The following MRPS6 variants were observed in gnomAD, a reference collection of about 807,000 sequenced individuals.
MRPS6 encodes mitochondrial ribosomal protein S6.
MRPS6 carries 6 observed loss-of-function variants against 13.1 expected under a neutral mutation model. The observed-to-expected ratio is 0.46, with a 90% confidence interval of 0.25 to 0.91. MRPS6 has a LOEUF of 0.91. Among genes scored for constraint, MRPS6 ranks in the 40% least tolerant of loss-of-function variants. The pLI, the probability that MRPS6 is intolerant of heterozygous loss-of-function variation, is 0.18. For synonymous variants in MRPS6, 61 were observed against 56.5 expected (o/e 1.08, Z -0.36); for missense variants, 164 against 155.6 (o/e 1.05, Z -0.29).
At chr21:34,112,560 C>G (rs1366418761) in intron 1 of MRPS6, among the ~76,000 whole-genome samples, 1 of 152,128 alleles carries the variant, frequency 6.6e-6, no homozygotes, top group East Asian at 1.9e-4. Flanking sequence ...AGTTGTCACT[C>G]CCCAATTCTC....
rs370477500 is a variant in MRPS6 at position 34,073,656 on chromosome 21, C to G, written c.-45C>G. 7.3e-6 allele frequency: 11 copies of G among 1,507,620 alleles called. No individual in the cohort carries two copies. Among genetic ancestry groups the G allele is most frequent in the South Asian group, 7.0e-5 (6 of 85,726 alleles). 93.4% of individuals were successfully genotyped at this position (1,507,620 alleles called of 1,614,324 possible). On this transcript the variant is annotated 5_prime_UTR_variant, in exon 1 of 3. Coordinates refer to ENST00000399312, the MANE Select transcript of MRPS6 (RefSeq NM_032476.4). ...CCCGCCGTCCCGCCCCTTCGCGTCC[C>G]GGGAACCGGCTGGCTTCCGAGCCGC...
At chr21:34,077,124 T>A (rs1020909227) in intron 1 of MRPS6, among the ~76,000 whole-genome samples, 1 of 152,224 alleles carries the variant, frequency 6.6e-6, no homozygotes, top group Non-Finnish European at 1.5e-5. Flanking sequence ...GAGTGAGCTC[T>A]CTTGTGAGTG....
At chr21:34,097,582 T>C (rs1296173463) in intron 1 of MRPS6, 1 of 1,281,086 alleles carries the variant, frequency 7.8e-7, no homozygotes, top group Non-Finnish European at 9.9e-7. Flanking sequence ...TGTGCAAATG[T>C]GGTTTTAAAT....
chr21:34,101,769 TTC>T, intron 1 of MRPS6: 1 of 995,766 alleles, frequency 1.0e-6, no homozygotes, highest in Non-Finnish European at 1.2e-6. Flanking sequence ...TATACTGAAT[TTC>T]TGTTAGCTTA....
intron 1 of MRPS6, among the ~76,000 whole-genome samples, chr21:34,089,510 C>T (rs886819550): frequency 7.9e-5 from 12 of 152,028 alleles, no homozygotes; most frequent in Admixed American, 2.6e-4. Flanking sequence ...ATGAGCCAAA[C>T]TTATTGGTAG....
At chr21:34,097,008 A>G (rs1978994835) in intron 1 of MRPS6, 3 of 1,614,090 alleles carry the variant, frequency 1.9e-6, no homozygotes, top group Non-Finnish European at 2.5e-6. Context: ...TGAAGATGTT[A>G]ATCTGTTGGT....
intron 1 of MRPS6, among the ~76,000 whole-genome samples, chr21:34,089,537 A>G (rs962981660): frequency 2.6e-5 from 4 of 152,158 alleles, no homozygotes; most frequent in Non-Finnish European, 4.4e-5. Flanking sequence ...GTTAAAATGA[A>G]TATATCTTGG....
At chr21:34,118,471 T>TA (rs1022865949) in intron 1 of MRPS6, among the ~76,000 whole-genome samples, 8 of 152,208 alleles carry the variant, frequency 5.3e-5, no homozygotes, top group Middle Eastern at 3.4e-3. Flanking sequence ...TTGGTTCCTG[T>TA]CTCTTCTTTC....
intron 1 of MRPS6, chr21:34,122,544 G>GT (rs1390626697): frequency 1.3e-5 from 2 of 152,002 alleles, no homozygotes; most frequent in East Asian, 3.8e-4. Context: ...AGAAGAAAAT[G>GT]TTTTTTACTT....
chr21:34,103,823 T>A (rs1263526130), intron 1 of MRPS6: 5 of 1,000,112 alleles, frequency 5.0e-6, no homozygotes, highest in Non-Finnish European at 6.0e-6. Context: ...ATGTCAAGAA[T>A]GCCAAAATTA....
intron 2 of MRPS6, among the ~76,000 whole-genome samples, chr21:34,142,009 G>GT (rs1285790212): frequency 6.6e-6 from 1 of 152,188 alleles, no homozygotes; most frequent in East Asian, 1.9e-4. Flanking sequence ...AGTTAGAAGA[G>GT]TATCTAATAG....
chr21:34,130,909 A>C (rs1176122340), intron 2 of MRPS6, among the ~76,000 whole-genome samples: 1 of 152,202 alleles, frequency 6.6e-6, no homozygotes, highest in East Asian at 1.9e-4. Flanking sequence ...AGCACCACAC[A>C]TGTAAAAACA....
At chr21:34,142,278 A>G (rs999742664) in intron 2 of MRPS6, 130 bp from the exon 3 acceptor site, 5 of 914,810 alleles carry the variant, frequency 5.5e-6, no homozygotes, top group Non-Finnish European at 4.6e-6. Flanking sequence ...TGACAAGGTT[A>G]TGTGTGTGTA....
At chr21:34,134,254 G>A (rs1334078385) in intron 2 of MRPS6, among the ~76,000 whole-genome samples, 8 of 152,232 alleles carry the variant, frequency 5.3e-5, no homozygotes, top group African/African-American at 1.9e-4. Flanking sequence ...AATGTGGCCA[G>A]GATTATGTGT....
intron 1 of MRPS6, among the ~76,000 whole-genome samples, chr21:34,076,446 T>A (rs1420253002): frequency 6.6e-6 from 1 of 152,230 alleles, no homozygotes; most frequent in Non-Finnish European, 1.5e-5. Flanking sequence ...TCAGTCATAT[T>A]GAACTATACA....
intron 1 of MRPS6, among the ~76,000 whole-genome samples, chr21:34,107,195 G>C (rs892769322): frequency 1.3e-5 from 2 of 152,204 alleles, no homozygotes; most frequent in African/African-American, 4.8e-5. Flanking sequence ...GCTTCCCAAA[G>C]TGCTGGGATT....
At chr21:34,074,575 C>T (rs577936438) in intron 1 of MRPS6, among the ~76,000 whole-genome samples, 1 of 152,354 alleles carries the variant, frequency 6.6e-6, no homozygotes, top group South Asian at 2.1e-4. Context: ...GGAGGCAGCT[C>T]ACTTCGTCCT....
intron 1 of MRPS6, among the ~76,000 whole-genome samples, chr21:34,075,497 AAAT>A: frequency 6.6e-6 from 1 of 152,298 alleles, no homozygotes; most frequent in African/African-American, 2.4e-5. Flanking sequence ...AATTTGGTTA[AAAT>A]AATAAATAAC....
At chr21:34,129,332 C>T (rs575620072) in intron 2 of MRPS6, among the ~76,000 whole-genome samples, 6 of 152,206 alleles carry the variant, frequency 3.9e-5, no homozygotes, top group African/African-American at 9.6e-5. Context: ...AAAGTGCGGT[C>T]GTATTTCAGC....
Sources: allele counts gnomAD v4.1 joint callset (sites outside exome capture counted in the v4.1 genomes callset), GRCh38; gene constraint gnomAD v4.1.1; transcripts MANE v1.5; gene names NCBI Gene and HGNC (gene_info 2026-07-23, HGNC 2026-07-21).